Variants in NRG3 observed in about 807,000 individuals in gnomAD.
The protein encoded by NRG3 is neuregulin 3, also known as pro-neuregulin-3, membrane-bound isoform.
A neutral mutation model predicts 66.9 loss-of-function variants in NRG3; 31 were observed. The ratio of observed to expected loss-of-function variants is 0.46; its 90% CI spans 0.35 to 0.63. The LOEUF (loss-of-function observed/expected upper bound fraction) is 0.63. Ranked by LOEUF, NRG3 falls within the 20% of genes least tolerant of loss-of-function variation. The pLI is 0.00. For synonymous variants in NRG3, 393 were observed against 359.4 expected (o/e 1.09, Z -1.06); for missense variants, 910 against 878.9 (o/e 1.04, Z -0.45).
intron 1 of NRG3, among the ~76,000 whole-genome samples, chr10:82,042,148 A>G (rs1048801153): frequency 1.3e-5 from 2 of 152,054 alleles, no homozygotes; most frequent in Admixed American, 1.3e-4. Flanking sequence ...TTGAGGGAAT[A>G]TACTGATTTT....
chr10:82,118,294 G>A (rs981022158), intron 1 of NRG3, among the ~76,000 whole-genome samples: 1 of 151,708 alleles, frequency 6.6e-6, no homozygotes, highest in Non-Finnish European at 1.5e-5. Context: ...AGCATCCAGG[G>A]GCCCTCTTTT....
intron 1 of NRG3, among the ~76,000 whole-genome samples, chr10:82,081,259 G>T (rs946252412): frequency 6.6e-6 from 1 of 152,174 alleles, no homozygotes; most frequent in Non-Finnish European, 1.5e-5. Context: ...GAGTAGAGAA[G>T]AATGGAGAGA....
intron 1 of NRG3, among the ~76,000 whole-genome samples, chr10:82,152,828 CTCTT>C (rs1333252698): frequency 6.8e-6 from 1 of 146,546 alleles, no homozygotes; most frequent in Non-Finnish European, 1.5e-5. Context: ...CTTTTTCTTT[CTCTT>C]TCTCTTTTTC....
chr10:82,105,100 A>G (rs2066979566), intron 1 of NRG3, among the ~76,000 whole-genome samples: 1 of 152,184 alleles, frequency 6.6e-6, no homozygotes. Flanking sequence ...GGTTATAGAT[A>G]ATATTTCACT....
intron 1 of NRG3, among the ~76,000 whole-genome samples, chr10:82,223,678 C>CACACACACACACAT (rs1403864303): frequency 3.0e-5 from 4 of 135,478 alleles, no homozygotes; most frequent in African/African-American, 1.1e-4. Flanking sequence ...CACACACACA[C>CACACACACACACAT]ACACATACAC....
intron 2 of NRG3, among the ~76,000 whole-genome samples, chr10:82,574,015 C>A (rs2045893960): frequency 6.6e-6 from 1 of 151,688 alleles, no homozygotes; most frequent in South Asian, 2.1e-4. Flanking sequence ...CAATATGATC[C>A]AACCAATCCA....
At chr10:82,572,999 G>C (rs1159241982) in intron 2 of NRG3, among the ~76,000 whole-genome samples, 1 of 151,810 alleles carries the variant, frequency 6.6e-6, no homozygotes, top group African/African-American at 2.4e-5. Context: ...CAGACAAGCA[G>C]CTGCCATTCA....
chr10:82,461,169 C>T, intron 2 of NRG3, among the ~76,000 whole-genome samples: 1 of 151,996 alleles, frequency 6.6e-6, no homozygotes, highest in East Asian at 1.9e-4. Context: ...ATCACCACCA[C>T]TATCATCAAC....
At chr10:81,993,455 T>C (rs1175965884) in intron 1 of NRG3, among the ~76,000 whole-genome samples, 1 of 152,064 alleles carries the variant, frequency 6.6e-6, no homozygotes. Context: ...CAAATGATCC[T>C]CCTGCCTTAG....
chr10:81,996,728 A>G (rs924019788), intron 1 of NRG3, among the ~76,000 whole-genome samples: 5 of 152,016 alleles, frequency 3.3e-5, no homozygotes, highest in African/African-American at 4.8e-5. Flanking sequence ...GAGAGAAAGG[A>G]GGGAGAGGAG....
rs386361937 is a variant in NRG3, at chr10:82,086,116, C to CAA, written c.823+209961_823+209962dup. Among the ~76,000 whole-genome samples, 1,358 of 151,106 alleles carry CAA rather than the reference C, an allele frequency of 9.0e-3. 13 individuals carry two copies. The highest frequency in any genetic ancestry group is 0.014 in the Non-Finnish European group (931 of 67,730). On this transcript the variant is annotated intron_variant, in intron 1 of 8. Coordinates refer to ENST00000372141, the MANE Select transcript of NRG3 (RefSeq NM_001010848.4). ...GATTTGGGTAACTGATATGGAATCA[C>CAA]AAAAAAAAATCTAACCTGAAGCAAT...
At chr10:82,534,661 C>G (rs1383544692) in intron 2 of NRG3, among the ~76,000 whole-genome samples, 2 of 152,144 alleles carry the variant, frequency 1.3e-5, no homozygotes, top group African/African-American at 4.8e-5. Context: ...ATCACACTTT[C>G]TGATTTCAAA....
In NRG3 at chr10:81,895,656, C is replaced by G. The variant is rs533521267; in HGVS notation, c.823+19493C>G. 5.9e-5 allele frequency among the ~76,000 whole-genome samples: 9 copies of G among 152,150 alleles called. No homozygotes were observed. The South Asian group carries it at 1.9e-3, about 32-fold the overall frequency. On this transcript the variant is annotated intron_variant, in intron 1 of 8. Transcript: ENST00000372141. ...GTGTGTCCACGTGTGCATGTCCATG[C>G]GTGGGAGTGTGTGTTGTAGGAAGAG...
At chr10:82,785,443 A>G (rs978125882) in intron 3 of NRG3, among the ~76,000 whole-genome samples, 3 of 152,108 alleles carry the variant, frequency 2.0e-5, no homozygotes, top group African/African-American at 7.2e-5. Context: ...TTTTCTTAGG[A>G]GTTACTTAAG....
At chr10:81,908,161 A>T (rs1316644750) in intron 1 of NRG3, among the ~76,000 whole-genome samples, 1 of 152,192 alleles carries the variant, frequency 6.6e-6, no homozygotes, top group Non-Finnish European at 1.5e-5. Flanking sequence ...AATGTTATGC[A>T]GGTATATAGA....
At chr10:82,669,744 C>T (rs2053102440) in intron 2 of NRG3, among the ~76,000 whole-genome samples, 3 of 152,046 alleles carry the variant, frequency 2.0e-5, no homozygotes, top group Admixed American at 2.0e-4. Context: ...CTGGCTAACA[C>T]GGTGAGACCC....
chr10:82,551,903 TTG>T (rs1286909313), intron 2 of NRG3, among the ~76,000 whole-genome samples: 2 of 152,188 alleles, frequency 1.3e-5, no homozygotes, highest in Non-Finnish European at 2.9e-5. Flanking sequence ...GTTATGTCTT[TTG>T]TGTCTTTTTT....
At chr10:82,239,651 T>G (rs1162705451) in intron 1 of NRG3, among the ~76,000 whole-genome samples, 1 of 152,218 alleles carries the variant, frequency 6.6e-6, no homozygotes, top group Non-Finnish European at 1.5e-5. Context: ...CTGTAATCTA[T>G]GACTTTTTTT....
At chr10:81,891,190 C>G (rs934023556) in intron 1 of NRG3, among the ~76,000 whole-genome samples, 4 of 152,130 alleles carry the variant, frequency 2.6e-5, no homozygotes, top group African/African-American at 9.7e-5. Context: ...AATTTGAGCT[C>G]TTTGAACATT....
Sources: gnomAD v4.1 joint callset for allele counts (sites outside exome capture counted in the v4.1 genomes callset) on GRCh38, gnomAD v4.1.1 for gene constraint, MANE v1.5 for transcripts, NCBI Gene and HGNC (gene_info 2026-07-23, HGNC 2026-07-21) for gene names.